TMOD1: variants seen among roughly 807,000 people sequenced by gnomAD.
TMOD1 encodes the protein tropomodulin-1.
A neutral mutation model predicts 40.6 loss-of-function variants in TMOD1; 17 were observed. That is an observed-to-expected ratio of 0.42 (90% confidence interval 0.29 to 0.63). The LOEUF (loss-of-function observed/expected upper bound fraction) is 0.63. TMOD1 is among the 20% of genes least tolerant of loss of function. The pLI, the probability that TMOD1 is intolerant of heterozygous loss-of-function variation, is 0.22. For synonymous variants in TMOD1, 181 were observed against 175.0 expected (o/e 1.03, Z -0.27); for missense variants, 391 against 447.6 (o/e 0.87, Z 1.14).
At chr9:97,544,478 T>C (rs557134967) in intron 2 of TMOD1, among the ~76,000 whole-genome samples, 17 of 147,010 alleles carry the variant, frequency 1.2e-4, no homozygotes, top group African/African-American at 3.8e-4. Context: ...GGAGGTTGCA[T>C]TGAGCCGAGA....
chr9:97,503,477 A>G (rs528828137), intron 1 of TMOD1, among the ~76,000 whole-genome samples: 11 of 152,344 alleles, frequency 7.2e-5, no homozygotes, highest in Non-Finnish European at 1.2e-4. Flanking sequence ...TAAAGTTTCC[A>G]TCAGTTAGAG....
At chr9:97,580,596 ACT>A (rs1190251222) in intron 8 of TMOD1, among the ~76,000 whole-genome samples, 2 of 149,640 alleles carry the variant, frequency 1.3e-5, no homozygotes, top group African/African-American at 4.9e-5. Context: ...ACAGAGTGAG[ACT>A]CTGTCTCAGA....
chr9:97,572,395 G>C (rs1208208468), intron 8 of TMOD1, among the ~76,000 whole-genome samples: 1 of 152,202 alleles, frequency 6.6e-6, no homozygotes, highest in Non-Finnish European at 1.5e-5. Flanking sequence ...CTGGGGGCAA[G>C]GAGAGGGTAT....
chr9:97,508,196 CT>C (rs58736056), intron 1 of TMOD1, among the ~76,000 whole-genome samples: 7 of 146,730 alleles, frequency 4.8e-5, no homozygotes, highest in African/African-American at 7.5e-5. Context: ...TTCTTTCTTT[CT>C]TTTTTTTTTG....
At chr9:97,596,359 C>T (rs2131296545) in intron 9 of TMOD1, among the ~76,000 whole-genome samples, 1 of 152,252 alleles carries the variant, frequency 6.6e-6, no homozygotes, top group Non-Finnish European at 1.5e-5. Flanking sequence ...CCTCCCATTG[C>T]TCTCAGTCAG....
Position 97,599,794 on chromosome 9 carries a change from G to A in TMOD1, c.*96G>A. 1 of 1,598,928 alleles carries A rather than the reference G, an allele frequency of 6.3e-7. No individual in the cohort carries two copies. The highest frequency in any genetic ancestry group is 8.5e-7 in the Non-Finnish European group (1 of 1,170,984). On this transcript the variant is annotated 3_prime_UTR_variant, in exon 10 of 10. Transcript: ENST00000259365. ...CCAGAAGGCAAAATGCTGGCAGCAT[G>A]AAACCCTTTTGTGGTTCAGTTCTTT...
chr9:97,596,799 T>C (rs998549651), intron 9 of TMOD1, among the ~76,000 whole-genome samples: 1 of 152,216 alleles, frequency 6.6e-6, no homozygotes, highest in African/African-American at 2.4e-5. Flanking sequence ...TCCCATCCTC[T>C]ACCTTTTTGT....
chr9:97,564,711 C>T (rs1179021791), intron 6 of TMOD1, among the ~76,000 whole-genome samples: 2 of 152,214 alleles, frequency 1.3e-5, no homozygotes, highest in Non-Finnish European at 2.9e-5. Context: ...TTTCTCTGTG[C>T]ACATTTCCTT....
At chr9:97,501,463 G>A (rs1034887138), upstream of TMOD1, among the ~76,000 whole-genome samples, 2 of 151,930 alleles carry the variant, frequency 1.3e-5, no homozygotes, top group South Asian at 2.1e-4. Context: ...GCGCTCGCTC[G>A]GCTGCAGCCC....
intron 7 of TMOD1, among the ~76,000 whole-genome samples, chr9:97,566,663 T>C (rs1220854610): frequency 6.6e-6 from 1 of 151,830 alleles, no homozygotes; most frequent in Admixed American, 6.6e-5. Flanking sequence ...AGAGCGAGGC[T>C]CCATCACAAA....
chr9:97,519,923 G>A, intron 1 of TMOD1, among the ~76,000 whole-genome samples: 1 of 151,986 alleles, frequency 6.6e-6, no homozygotes, highest in Non-Finnish European at 1.5e-5. Context: ...TCATCTGCTT[G>A]CTACCCCATG....
chr9:97,501,397 C>T (rs1475567938), upstream of TMOD1: 3 of 152,296 alleles, frequency 2.0e-5, no homozygotes, highest in African/African-American at 7.2e-5. Context: ...ACTCTACCGT[C>T]GCTCAAACTC....
intron 2 of TMOD1, among the ~76,000 whole-genome samples, chr9:97,526,023 G>A (rs1463058189): frequency 6.6e-6 from 1 of 152,204 alleles, no homozygotes. Flanking sequence ...AGCTATGGGA[G>A]AAATGGCATC....
At chr9:97,585,571 G>A (rs1445871434) in intron 8 of TMOD1, among the ~76,000 whole-genome samples, 1 of 149,370 alleles carries the variant, frequency 6.7e-6, no homozygotes, top group Non-Finnish European at 1.5e-5. Flanking sequence ...GATTGGAGAA[G>A]TTCTCCTGGA....
At position 97,534,496 on chromosome 9, in the gene TMOD1, C is replaced by T. The variant is rs771639963; in HGVS notation, c.120+10188C>T. ...AACTCTGACATCTTTCATAATATGTCCCTCTCCCCAAAACCCAATTGGGGA... is the reference window on the plus strand; with the variant it reads ...AACTCTGACATCTTTCATAATATGTTCCTCTCCCCAAAACCCAATTGGGGA... On this transcript the variant is annotated intron_variant, in intron 2 of 9. Transcript: ENST00000259365. Among the ~76,000 whole-genome samples, 8 of 152,232 alleles carry T rather than the reference C, an allele frequency of 5.3e-5. No individual in the cohort carries two copies. In the South Asian group the frequency reaches 8.3e-4, roughly 16 times the overall value.
intron 8 of TMOD1, among the ~76,000 whole-genome samples, chr9:97,575,091 G>T (rs532052711): frequency 6.6e-6 from 1 of 152,208 alleles, no homozygotes; most frequent in South Asian, 2.1e-4. Flanking sequence ...TTCTTTCTCT[G>T]TTTGCCATAA....
At chr9:97,559,795 ATATATAT>A (rs1285675603) in intron 4 of TMOD1, among the ~76,000 whole-genome samples, 12 of 11,094 alleles carry the variant, frequency 1.1e-3, no homozygotes, top group African/African-American at 2.0e-3. Context: ...AAAAAAAAAA[ATATATAT>A]ATATATATAT....
At chr9:97,558,190 A>G (rs1195200869) in intron 4 of TMOD1, among the ~76,000 whole-genome samples, 1 of 151,962 alleles carries the variant, frequency 6.6e-6, no homozygotes, top group Non-Finnish European at 1.5e-5. Flanking sequence ...AAATGGTTTT[A>G]TTTCTTCTTA....
intron 7 of TMOD1, 45 bp from the exon 8 acceptor site, chr9:97,568,849 C>A: frequency 6.2e-7 from 1 of 1,607,440 alleles, no homozygotes; most frequent in Non-Finnish European, 8.5e-7. Context: ...TCCAGCCTTG[C>A]TCGGGGTGAC....
Sources: gnomAD v4.1 joint callset for allele counts (sites outside exome capture counted in the v4.1 genomes callset) on GRCh38, gnomAD v4.1.1 for gene constraint, MANE v1.5 for transcripts, NCBI Gene and HGNC (gene_info 2026-07-23, HGNC 2026-07-21) for gene names.